TRIM24: variants seen among roughly 807,000 people sequenced by gnomAD.
The protein encoded by TRIM24 is tripartite motif containing 24, also known as transcription intermediary factor 1-alpha.
In TRIM24, 29 loss-of-function variants were observed where a neutral mutation model predicts 123.9. That is an observed-to-expected ratio of 0.23 (90% CI 0.17 to 0.32). The LOEUF is 0.32. Ranked by LOEUF, TRIM24 falls within the 10% of genes least tolerant of loss-of-function variation. The pLI, the probability that TRIM24 is intolerant of heterozygous loss-of-function variation, is 1.00. For missense variants in TRIM24, 932 were observed against 1,295.3 expected (o/e 0.72, Z 4.31); for synonymous variants, 456 against 461.1 (o/e 0.99, Z 0.14).
intron 7 of TRIM24, among the ~76,000 whole-genome samples, chr7:138,542,628 A>G (rs1797027196): frequency 6.6e-6 from 1 of 152,218 alleles, no homozygotes; most frequent in East Asian, 1.9e-4. Context: ...AATTTACAGT[A>G]CTTACGAAGC....
chr7:138,566,370 G>A (rs1797536141), intron 9 of TRIM24, among the ~76,000 whole-genome samples: 1 of 152,072 alleles, frequency 6.6e-6, no homozygotes, highest in South Asian at 2.1e-4. Flanking sequence ...ACAAAAATTA[G>A]CCAGGTGTGG....
chr7:138,585,174 A>G lies in TRIM24; in HGVS notation c.*223A>G, dbSNP rs553653717. ...GATGAATAGAAGAAAGAAAATGGAA[A>G]GAAGGAAAAAAGGAGGATAGAAAAA... is the stretch of plus-strand genomic sequence containing the variant. On this transcript the variant is annotated 3_prime_UTR_variant, in exon 19 of 19. Transcript: ENST00000343526. 1.9e-3 allele frequency: 709 copies of G among 366,218 alleles called. 3 individuals carry two copies. Among genetic ancestry groups the G allele is most frequent in the Non-Finnish European group, 3.1e-3 (638 of 206,724 alleles). 22.7% of individuals were successfully genotyped at this position (366,218 alleles called of 1,614,324 possible). A position where few individuals can be genotyped will look rare whatever the true frequency, so the allele number is the denominator to read the frequency against.
chr7:138,518,252 AC>A, intron 3 of TRIM24, among the ~76,000 whole-genome samples: 1 of 152,318 alleles, frequency 6.6e-6, no homozygotes, highest in South Asian at 2.1e-4. Context: ...CAATATATGT[AC>A]TACCATTTAT....
chr7:138,463,014 C>T (rs573750232), intron 1 of TRIM24, among the ~76,000 whole-genome samples: 47 of 146,868 alleles, frequency 3.2e-4, no homozygotes, highest in African/African-American at 1.1e-3. Context: ...GGATTACAGG[C>T]ATGCGCCACC....
chr7:138,564,964 G>A (rs1040109844), intron 9 of TRIM24, among the ~76,000 whole-genome samples: 1 of 152,160 alleles, frequency 6.6e-6, no homozygotes, highest in Admixed American at 6.5e-5. Context: ...CCTCGCAGGA[G>A]TATTTCAGAT....
chr7:138,573,395 T>G, intron 11 of TRIM24, 112 bp from the exon 12 acceptor site: 1 of 1,011,224 alleles, frequency 9.9e-7, no homozygotes, highest in Admixed American at 3.5e-5. Context: ...GTGGTATCTA[T>G]GTTTTGTTAT....
chr7:138,531,099 G>A (rs977678172), intron 6 of TRIM24, among the ~76,000 whole-genome samples: 1 of 151,202 alleles, frequency 6.6e-6, no homozygotes, highest in African/African-American at 2.4e-5. Context: ...GGACTACAGG[G>A]CGTGTGCTGC....
intron 9 of TRIM24, among the ~76,000 whole-genome samples, chr7:138,560,650 C>T (rs1563060287): frequency 1.3e-5 from 2 of 152,118 alleles, no homozygotes; most frequent in South Asian, 2.1e-4. Flanking sequence ...TTTCTAGTGC[C>T]GTTTTCCTTA....
intron 4 of TRIM24, among the ~76,000 whole-genome samples, chr7:138,520,855 G>A (rs557155791): frequency 2.0e-5 from 3 of 152,240 alleles, no homozygotes; most frequent in South Asian, 2.1e-4. Flanking sequence ...AAGTAGAAGA[G>A]ATTAAACATC....
chr7:138,508,676 TGTGTGTGTGTGTGTGTGCGCGC>T (rs1563038650), intron 2 of TRIM24, among the ~76,000 whole-genome samples: 2 of 55,760 alleles, frequency 3.6e-5, no homozygotes, highest in Non-Finnish European at 7.6e-5. Context: ...TGTGTGTGTG[TGTGTGTGTGTGTGTGTGCGCGC>T]GCGTGTGTGC....
At chr7:138,503,085 G>T (rs888283744) in intron 1 of TRIM24, among the ~76,000 whole-genome samples, 2 of 151,902 alleles carry the variant, frequency 1.3e-5, no homozygotes, top group Non-Finnish European at 2.9e-5. Flanking sequence ...AACATGAAAA[G>T]TTCATCCCTT....
chr7:138,491,860 C>G (rs1323383157), intron 1 of TRIM24, among the ~76,000 whole-genome samples: 2 of 151,902 alleles, frequency 1.3e-5, no homozygotes, highest in Admixed American at 6.6e-5. Flanking sequence ...GAGAGCCATC[C>G]CTAGTGGGTG....
chr7:138,489,415 G>T (rs1032350473), intron 1 of TRIM24, among the ~76,000 whole-genome samples: 1 of 152,100 alleles, frequency 6.6e-6, no homozygotes, highest in Admixed American at 6.6e-5. Context: ...TATTTTGCCC[G>T]TTAGTTGATG....
chr7:138,584,108 T>TTTA, intron 18 of TRIM24, 109 bp downstream of exon 18: 1 of 1,252,676 alleles, frequency 8.0e-7, no homozygotes, highest in East Asian at 2.6e-5. Flanking sequence ...TTAGAATAAA[T>TTTA]TTCCAACTTT....
At chr7:138,531,304 G>A (rs193015870) in intron 6 of TRIM24, among the ~76,000 whole-genome samples, 10 of 148,104 alleles carry the variant, frequency 6.8e-5, no homozygotes, top group East Asian at 3.9e-4. Context: ...TGCCATGTTC[G>A]TGTGCTGCAC....
chr7:138,537,386 T>TTG (rs1286304969), intron 6 of TRIM24, among the ~76,000 whole-genome samples: 7 of 124,820 alleles, frequency 5.6e-5, no homozygotes, highest in East Asian at 4.1e-4. Flanking sequence ...TTTGTTTTTT[T>TTG]TTTTTTTTTT....
chr7:138,473,116 C>G (rs1795309979), intron 1 of TRIM24, among the ~76,000 whole-genome samples: 2 of 152,096 alleles, frequency 1.3e-5, no homozygotes, highest in Admixed American at 6.6e-5. Context: ...CCTGTCTCTA[C>G]TAAAATTACA....
chr7:138,536,752 G>T (rs1453641796), intron 6 of TRIM24, among the ~76,000 whole-genome samples: 1 of 152,184 alleles, frequency 6.6e-6, no homozygotes, highest in Non-Finnish European at 1.5e-5. Flanking sequence ...TGTCAGACAG[G>T]GACATTTAAG....
intron 6 of TRIM24, among the ~76,000 whole-genome samples, chr7:138,536,685 C>G (rs184690849): frequency 3.0e-4 from 45 of 152,354 alleles, no homozygotes; most frequent in Middle Eastern, 3.4e-3. Flanking sequence ...AGGAGGTAGT[C>G]TGTCCGTTCT....
Sources: allele counts gnomAD v4.1 joint callset (sites outside exome capture counted in the v4.1 genomes callset), GRCh38; gene constraint gnomAD v4.1.1; transcripts MANE v1.5; gene names NCBI Gene and HGNC (gene_info 2026-07-23, HGNC 2026-07-21).